NEGR1: variants seen among roughly 807,000 people sequenced by gnomAD.
NEGR1 encodes the protein neuronal growth regulator 1.
A neutral mutation model predicts 40.9 loss-of-function variants in NEGR1; 10 were observed. The ratio of observed to expected loss-of-function variants is 0.24; its 90% CI spans 0.15 to 0.42. NEGR1 has a LOEUF of 0.42. NEGR1 is among the 10% of genes least tolerant of loss of function. The probability of loss-of-function intolerance (pLI) is 1.00; values close to 1 mark genes in which losing one functional copy is unlikely to be tolerated. For synonymous variants in NEGR1, 185 were observed against 166.8 expected (o/e 1.11, Z -0.84); for missense variants, 352 against 438.9 (o/e 0.80, Z 1.77).
intron 4 of NEGR1, among the ~76,000 whole-genome samples, chr1:71,683,456 A>G (rs567118251): frequency 1.4e-5 from 2 of 141,648 alleles, no homozygotes; most frequent in African/African-American, 5.2e-5. Context: ...ATTTTTCCTC[A>G]GTAAATTAAA....
At chr1:72,001,567 A>G (rs1570596502) in intron 1 of NEGR1, among the ~76,000 whole-genome samples, 1 of 151,150 alleles carries the variant, frequency 6.6e-6, no homozygotes, top group Non-Finnish European at 1.5e-5. Context: ...AAAATGCTAA[A>G]TATTAAAATA....
At chr1:72,193,326 G>T (rs2100432831) in intron 1 of NEGR1, among the ~76,000 whole-genome samples, 1 of 151,832 alleles carries the variant, frequency 6.6e-6, no homozygotes, top group Middle Eastern at 3.4e-3. Context: ...CTATTAATCA[G>T]TACTAATATA....
chr1:72,243,053 ATTAT>A (rs200115515), intron 1 of NEGR1, among the ~76,000 whole-genome samples: 98 of 151,890 alleles, frequency 6.5e-4, no homozygotes, highest in East Asian at 5.2e-3. Context: ...TCATTTCTGT[ATTAT>A]TTATTTAACT....
chr1:72,260,326 T>C (rs1167053368), intron 1 of NEGR1, among the ~76,000 whole-genome samples: 1 of 152,098 alleles, frequency 6.6e-6, no homozygotes, highest in African/African-American at 2.4e-5. Flanking sequence ...AAGCCCAATT[T>C]TTACAAAGGA....
Position 72,226,777 on chromosome 1 carries a change from G to A in NEGR1, c.176+55542C>T, listed in dbSNP as rs115012253. Among the ~76,000 whole-genome samples, 796 of 151,926 alleles carry A rather than the reference G, an allele frequency of 5.2e-3. 7 individuals are homozygous for A. The highest frequency in any genetic ancestry group is 0.017 in the African/African-American group (721 of 41,466). ...TTCAGAAAACAAATTATTTTTATAC[G>A]TATATTTACTTTTATTTTTCTGAGC... On this transcript the variant is annotated intron_variant, in intron 1 of 6. Coordinates refer to ENST00000357731, the MANE Select transcript of NEGR1 (RefSeq NM_173808.3).
intron 6 of NEGR1, among the ~76,000 whole-genome samples, chr1:71,445,137 T>G (rs566047160): frequency 6.6e-6 from 1 of 152,284 alleles, no homozygotes; most frequent in South Asian, 2.1e-4. Context: ...GTAACACTAA[T>G]ACACTTTTAG....
At chr1:71,693,595 T>C (rs1251587142) in intron 4 of NEGR1, among the ~76,000 whole-genome samples, 1 of 151,624 alleles carries the variant, frequency 6.6e-6, no homozygotes, top group Non-Finnish European at 1.5e-5. Flanking sequence ...GCCCTGAATT[T>C]ACAGAAGTGA....
At chr1:71,833,035 A>C (rs1658892803) in intron 2 of NEGR1, among the ~76,000 whole-genome samples, 1 of 152,060 alleles carries the variant, frequency 6.6e-6, no homozygotes, top group South Asian at 2.1e-4. Flanking sequence ...CATCATGAAA[A>C]ATAGATCCAT....
chr1:71,815,940 A>T (rs954720472), intron 2 of NEGR1, among the ~76,000 whole-genome samples: 1 of 152,066 alleles, frequency 6.6e-6, no homozygotes, highest in African/African-American at 2.4e-5. Context: ...GAACTTTGCT[A>T]CTTTTCCACT....
chr1:71,931,044 A>T (rs1324194774), intron 2 of NEGR1, among the ~76,000 whole-genome samples: 1 of 152,174 alleles, frequency 6.6e-6, no homozygotes, highest in African/African-American at 2.4e-5. Flanking sequence ...TCTTCTAACT[A>T]CACTCCCAGG....
intron 4 of NEGR1, among the ~76,000 whole-genome samples, chr1:71,618,195 G>T (rs969709295): frequency 6.6e-6 from 1 of 152,116 alleles, no homozygotes; most frequent in East Asian, 1.9e-4. Context: ...CTCAGCTTTC[G>T]AAAGACTTTG....
intron 1 of NEGR1, among the ~76,000 whole-genome samples, chr1:71,936,944 G>A (rs945479150): frequency 6.6e-6 from 1 of 152,186 alleles, no homozygotes; most frequent in African/African-American, 2.4e-5. Context: ...TCTTAAATGA[G>A]TACAAAGCAC....
intron 1 of NEGR1, among the ~76,000 whole-genome samples, chr1:72,079,437 C>G (rs1024068693): frequency 6.6e-6 from 1 of 151,880 alleles, no homozygotes; most frequent in Non-Finnish European, 1.5e-5. Flanking sequence ...CTGGTAATCA[C>G]TTTTTTCCTG....
At chr1:72,113,446 T>A (rs12064040) in intron 1 of NEGR1, among the ~76,000 whole-genome samples, 12 of 148,362 alleles carry the variant, frequency 8.1e-5, no homozygotes, top group Admixed American at 2.0e-4. Flanking sequence ...AAAAAAAAAA[T>A]ATGTGTTTAG....
At chr1:72,282,179 C>A in intron 1 of NEGR1, 140 bp downstream of exon 1, 1 of 1,031,736 alleles carries the variant, frequency 9.7e-7, no homozygotes, top group Non-Finnish European at 1.4e-6. Context: ...AGAATCTGCA[C>A]CTGGAATTCT....
At chr1:72,105,823 G>C (rs1001942276) in intron 1 of NEGR1, among the ~76,000 whole-genome samples, 2 of 152,014 alleles carry the variant, frequency 1.3e-5, no homozygotes, top group Non-Finnish European at 2.9e-5. Flanking sequence ...AAGTTTATAT[G>C]AAAGGTCTTT....
intron 1 of NEGR1, among the ~76,000 whole-genome samples, chr1:72,270,184 T>C (rs930210309): frequency 3.3e-5 from 5 of 151,930 alleles, no homozygotes; most frequent in Non-Finnish European, 5.9e-5. Context: ...GGGAAAGAAA[T>C]AGCTTATTGT....
At chr1:71,490,988 T>G (rs1331192089) in intron 6 of NEGR1, among the ~76,000 whole-genome samples, 1 of 152,006 alleles carries the variant, frequency 6.6e-6, no homozygotes, top group African/African-American at 2.4e-5. Flanking sequence ...TAGCAAGTAT[T>G]TCACAGGAGT....
chr1:71,801,632 A>C (rs1323423381), intron 2 of NEGR1, among the ~76,000 whole-genome samples: 1 of 152,136 alleles, frequency 6.6e-6, no homozygotes, highest in Non-Finnish European at 1.5e-5. Context: ...CTCCACATAT[A>C]TTATCAGAAA....
Sources: gnomAD v4.1 joint callset for allele counts (sites outside exome capture counted in the v4.1 genomes callset) on GRCh38, gnomAD v4.1.1 for gene constraint, MANE v1.5 for transcripts, NCBI Gene and HGNC (gene_info 2026-07-23, HGNC 2026-07-21) for gene names.